ARHGEF26: variants seen among roughly 807,000 people sequenced by gnomAD.
The protein encoded by ARHGEF26 is Rho guanine nucleotide exchange factor 26.
Under a neutral mutation model 89.4 loss-of-function variants are expected in ARHGEF26, and 59 were observed. That is an observed-to-expected ratio of 0.66 (90% CI 0.54 to 0.82). The LOEUF is 0.82. Among genes scored for constraint, ARHGEF26 ranks in the 40% least tolerant of loss-of-function variants. ARHGEF26 has a pLI of 0.00. For synonymous variants in ARHGEF26, 500 were observed against 428.4 expected (o/e 1.17, Z -2.06); for missense variants, 1,234 against 1,085.6 (o/e 1.14, Z -1.92).
intron 9 of ARHGEF26, among the ~76,000 whole-genome samples, chr3:154,210,963 G>T (rs370740810): frequency 0.011 from 1,625 of 151,372 alleles, 24 homozygotes; most frequent in African/African-American, 0.038. Context: ...AAAAAAATTT[G>T]TCTGGGAGGT....
chr3:154,237,299 C>A (rs1717174618), intron 11 of ARHGEF26, among the ~76,000 whole-genome samples: 1 of 152,064 alleles, frequency 6.6e-6, no homozygotes, highest in South Asian at 2.1e-4. Flanking sequence ...GGCCTGTAAT[C>A]CCAGCACTTT....
intron 6 of ARHGEF26, among the ~76,000 whole-genome samples, chr3:154,178,071 G>T (rs1015262878): frequency 7.2e-5 from 11 of 152,088 alleles, no homozygotes; most frequent in African/African-American, 2.7e-4. Flanking sequence ...TGGCATGGTG[G>T]TGGGCGCCTG....
chr3:154,253,012 A>G lies in ARHGEF26; in HGVS notation c.2301-104A>G. On this transcript the variant is annotated intron_variant, in intron 12 of 14. Transcript: ENST00000465093. Reference sequence around the variant, plus strand: ...CTGTTTTACCATACCTCTCTAGAGAATCTCTTGTTTTCTGGGAGTGCCTTT... The same window carrying G: ...CTGTTTTACCATACCTCTCTAGAGAGTCTCTTGTTTTCTGGGAGTGCCTTT... 7 of 1,265,046 alleles carry G rather than the reference A, an allele frequency of 5.5e-6. No homozygotes were observed. The South Asian group carries it at 6.5e-5, about 12-fold the overall frequency. 78.4% of individuals were successfully genotyped at this position (1,265,046 alleles called of 1,614,324 possible).
chr3:154,219,807 G>C (rs961856251), intron 10 of ARHGEF26, among the ~76,000 whole-genome samples: 1 of 151,908 alleles, frequency 6.6e-6, no homozygotes, highest in African/African-American at 2.4e-5. Flanking sequence ...CCAGCTACTC[G>C]GGAGGCTGAG....
At chr3:154,159,691 A>G (rs1040347423) in intron 6 of ARHGEF26, among the ~76,000 whole-genome samples, 1 of 152,182 alleles carries the variant, frequency 6.6e-6, no homozygotes, top group African/African-American at 2.4e-5. Flanking sequence ...AAATAATAGT[A>G]TAGCATATCT....
chr3:154,153,186 C>T (rs1334678219), intron 6 of ARHGEF26, among the ~76,000 whole-genome samples: 1 of 152,122 alleles, frequency 6.6e-6, no homozygotes, highest in Non-Finnish European at 1.5e-5. Flanking sequence ...TTGCTCTTTA[C>T]TTCTGATTAC....
intron 9 of ARHGEF26, among the ~76,000 whole-genome samples, chr3:154,200,568 T>A (rs1432024043): frequency 2.0e-5 from 3 of 152,090 alleles, no homozygotes; most frequent in Non-Finnish European, 2.9e-5. Context: ...CATATACATT[T>A]TAGGATTTTT....
chr3:154,201,306 A>G (rs1043617136), intron 9 of ARHGEF26, among the ~76,000 whole-genome samples: 1 of 152,230 alleles, frequency 6.6e-6, no homozygotes, highest in Non-Finnish European at 1.5e-5. Flanking sequence ...TTCCAGCTTC[A>G]TCCATGTCCC....
chr3:154,215,611 T>C lies in ARHGEF26; in HGVS notation c.1846-2258T>C, dbSNP rs144740164. 6.2e-3 allele frequency among the ~76,000 whole-genome samples: 949 copies of C among 152,206 alleles called. 3 individuals are homozygous for C. The highest frequency in any genetic ancestry group is 0.011 in the Non-Finnish European group (754 of 68,006). On this transcript the variant is annotated intron_variant, in intron 9 of 14. Coordinates refer to ENST00000465093, the MANE Select transcript of ARHGEF26 (RefSeq NM_015595.4). Reference sequence around the variant, plus strand: ...GGAACAGATATTTATTGCTCACAGTTGTGGAGGCTGGGCAGTCCAAGACCA... The same window carrying C: ...GGAACAGATATTTATTGCTCACAGTCGTGGAGGCTGGGCAGTCCAAGACCA...
At chr3:154,252,523 T>C (rs755562889) in intron 12 of ARHGEF26, among the ~76,000 whole-genome samples, 1 of 152,220 alleles carries the variant, frequency 6.6e-6, no homozygotes, top group Non-Finnish European at 1.5e-5. Context: ...CTTAATATTA[T>C]ATTAAAAGTA....
At chr3:154,191,446 T>C (rs749958211) in intron 8 of ARHGEF26, 28 bp downstream of exon 8, 14 of 1,600,120 alleles carry the variant, frequency 8.7e-6, no homozygotes, top group East Asian at 2.2e-5. Context: ...CTTTTTCCTC[T>C]GTGGATAGCT....
intron 14 of ARHGEF26, 33 bp downstream of exon 14, chr3:154,254,857 G>A (rs1159390265): frequency 6.3e-7 from 1 of 1,577,644 alleles, no homozygotes; most frequent in South Asian, 1.1e-5. Context: ...GACACTCGTG[G>A]TCCAGGATGC....
intron 6 of ARHGEF26, among the ~76,000 whole-genome samples, chr3:154,180,145 C>G (rs910874490): frequency 6.6e-6 from 1 of 152,164 alleles, no homozygotes; most frequent in Non-Finnish European, 1.5e-5. Flanking sequence ...TTATAAGGAC[C>G]TCTGTGATTA....
chr3:154,194,201 A>C (rs1350376416), intron 8 of ARHGEF26, among the ~76,000 whole-genome samples: 2 of 152,248 alleles, frequency 1.3e-5, no homozygotes, highest in African/African-American at 2.4e-5. Context: ...GGTGATAATT[A>C]AAGTAACTCT....
At chr3:154,210,480 A>G (rs1461030672) in intron 9 of ARHGEF26, among the ~76,000 whole-genome samples, 1 of 151,780 alleles carries the variant, frequency 6.6e-6, no homozygotes, top group Non-Finnish European at 1.5e-5. Context: ...AGCCTGACTA[A>G]TTTTTTGTAT....
intron 6 of ARHGEF26, among the ~76,000 whole-genome samples, chr3:154,178,247 A>T (rs1271376804): frequency 1.3e-5 from 2 of 152,192 alleles, no homozygotes; most frequent in Non-Finnish European, 2.9e-5. Context: ...CTTTATTGAG[A>T]TCACAATTCA....
intron 7 of ARHGEF26, 63 bp from the exon 8 acceptor site, chr3:154,191,226 T>A: frequency 6.6e-7 from 1 of 1,513,920 alleles, no homozygotes; most frequent in East Asian, 2.4e-5. Flanking sequence ...AATACATTTT[T>A]ACTTGCTGCT....
At chr3:154,154,792 G>A (rs1300628559) in intron 6 of ARHGEF26, among the ~76,000 whole-genome samples, 3 of 151,778 alleles carry the variant, frequency 2.0e-5, no homozygotes, top group Non-Finnish European at 4.4e-5. Context: ...AATTATCATC[G>A]AGTAACTGTG....
Position 154,240,528 on chromosome 3 carries a change from T to A in ARHGEF26, c.2249T>A (p.Leu750His), listed in dbSNP as rs777363338. The A allele has an allele frequency of 3.7e-6, 6 of 1,613,190 alleles. No homozygotes were observed. In the South Asian group the frequency reaches 6.6e-5, roughly 18 times the overall value. The change falls in exon 12 of 15, where the codon CTT becomes CAT. Residue 750 changes from leucine to histidine, a missense_variant. Leu to His is a moderately conservative substitution (Grantham distance 99). Coordinates refer to ENST00000465093, the MANE Select transcript of ARHGEF26 (RefSeq NM_015595.4). Reference sequence around the variant, plus strand: ...AGTCACCTCTTTACTCTGACAGTCCTTAGTAACCACGCGAATGAGAAAGTG... The same window carrying A: ...AGTCACCTCTTTACTCTGACAGTCCATAGTAACCACGCGAATGAGAAAGTG... ...SASHLFTLTV[L>H]SNHANEKVEM...
Sources: gnomAD v4.1 joint callset for allele counts (sites outside exome capture counted in the v4.1 genomes callset) on GRCh38, gnomAD v4.1.1 for gene constraint, MANE v1.5 for transcripts, NCBI Gene and HGNC (gene_info 2026-07-23, HGNC 2026-07-21) for gene names.